Variants in ABCC4 observed in about 807,000 individuals in gnomAD.
ABCC4 encodes ATP binding cassette subfamily C member 4 (PEL blood group).
A neutral mutation model predicts 168.5 loss-of-function variants in ABCC4; 102 were observed. The ratio of observed to expected loss-of-function variants is 0.61; its 90% CI spans 0.52 to 0.71. The LOEUF (loss-of-function observed/expected upper bound fraction) is 0.71, where lower values mean the gene tolerates loss of function less well. Ranked by LOEUF, ABCC4 falls within the 30% of genes least tolerant of loss-of-function variation. The pLI, the probability that ABCC4 is intolerant of heterozygous loss-of-function variation, is 0.00. For synonymous variants in ABCC4, 617 were observed against 590.7 expected (o/e 1.04, Z -0.65); for missense variants, 1,402 against 1,605.8 (o/e 0.87, Z 2.17).
At chr13:95,253,969 T>C (rs1353900216) in intron 1 of ABCC4, among the ~76,000 whole-genome samples, 1 of 152,114 alleles carries the variant, frequency 6.6e-6, no homozygotes, top group African/African-American at 2.4e-5. Flanking sequence ...CATACCTCAC[T>C]ACAGCCTCAA....
intron 1 of ABCC4, among the ~76,000 whole-genome samples, chr13:95,267,862 A>C (rs1301241210): frequency 6.6e-6 from 1 of 152,110 alleles, no homozygotes; most frequent in Non-Finnish European, 1.5e-5. Flanking sequence ...CTATTGCCCA[A>C]CCTCCAGGGC....
At chr13:95,163,266 T>C (rs2037157998) in intron 17 of ABCC4, 50 bp from the exon 18 acceptor site, 4 of 1,268,606 alleles carry the variant, frequency 3.2e-6, no homozygotes, top group Non-Finnish European at 3.4e-6. Context: ...GAAATTTAGA[T>C]AAATACATTT....
rs554704376 is a variant in ABCC4, at chr13:95,220,621, A to G, written c.532-9840T>C. Among the ~76,000 whole-genome samples the G allele has an allele frequency of 3.3e-5, 5 of 152,360 alleles. No individual in the cohort carries two copies. In the East Asian group the frequency reaches 9.6e-4, roughly 29 times the overall value. Reference sequence around the variant, plus strand: ...TTTTACAACCAAACATACCAAATGCAGTAATGCCTTCATCTCTTTCACTGA... The same window carrying G: ...TTTTACAACCAAACATACCAAATGCGGTAATGCCTTCATCTCTTTCACTGA... On this transcript the variant is annotated intron_variant, in intron 4 of 30. Transcript: ENST00000645237.
chr13:95,163,502 G>A (rs1660237037), intron 17 of ABCC4, 108 bp downstream of exon 17: 1 of 1,019,782 alleles, frequency 9.8e-7, no homozygotes, highest in East Asian at 2.6e-5. Context: ...TAAACGAAGT[G>A]AGGATTAGAA....
intron 1 of ABCC4, among the ~76,000 whole-genome samples, chr13:95,261,278 G>A (rs796681502): frequency 2.0e-5 from 3 of 151,894 alleles, no homozygotes; most frequent in African/African-American, 7.2e-5. Context: ...GCGAAACCCC[G>A]TCTCTACTAA....
chr13:95,051,911 C>T (rs981670924), intron 27 of ABCC4, among the ~76,000 whole-genome samples: 40 of 152,170 alleles, frequency 2.6e-4, no homozygotes, highest in African/African-American at 8.9e-4. Context: ...GTGATCCATC[C>T]GCCTCAGCCT....
At chr13:95,163,897 G>A (rs930422275) in intron 16 of ABCC4, among the ~76,000 whole-genome samples, 1 of 151,892 alleles carries the variant, frequency 6.6e-6, no homozygotes, top group African/African-American at 2.4e-5. Context: ...AGCCTAGCTG[G>A]GCATGGTGGC....
intron 25 of ABCC4, 50 bp from the exon 26 acceptor site, chr13:95,062,909 C>T: frequency 1.9e-6 from 3 of 1,538,908 alleles, no homozygotes; most frequent in Non-Finnish European, 2.6e-6. Flanking sequence ...AAAAAAATCA[C>T]AGGATGCAGC....
At chr13:95,125,129 T>C (rs1190495528) in intron 19 of ABCC4, among the ~76,000 whole-genome samples, 2 of 152,078 alleles carry the variant, frequency 1.3e-5, no homozygotes, top group African/African-American at 2.4e-5. Context: ...AGAAATTAAT[T>C]CCAGGATGCC....
chr13:95,142,283 C>T (rs910333915), intron 19 of ABCC4, among the ~76,000 whole-genome samples: 2 of 152,214 alleles, frequency 1.3e-5, no homozygotes, highest in Middle Eastern at 3.4e-3. Flanking sequence ...TTTGCAGTGA[C>T]CTGGATGAGA....
chr13:95,234,463 T>C (rs2039707396), intron 4 of ABCC4, 147 bp downstream of exon 4: 1 of 606,786 alleles, frequency 1.6e-6, no homozygotes, highest in Non-Finnish European at 2.8e-6. Context: ...TTTTCTTCGT[T>C]TTTCTTTTTT....
At chr13:95,161,874 T>C (rs530395126) in intron 18 of ABCC4, 1 of 152,340 alleles carries the variant, frequency 6.6e-6, no homozygotes, top group South Asian at 2.1e-4. Context: ...ACACAAATTA[T>C]ATTTTAACAT....
chr13:95,258,376 G>A (rs184913253), intron 1 of ABCC4, among the ~76,000 whole-genome samples: 24 of 152,174 alleles, frequency 1.6e-4, no homozygotes, highest in East Asian at 7.7e-4. Context: ...GTCCCCTTGC[G>A]TGCGAGCAAA....
chr13:95,136,193 C>CG (rs1372913142), intron 19 of ABCC4, among the ~76,000 whole-genome samples: 7 of 151,786 alleles, frequency 4.6e-5, no homozygotes, highest in Admixed American at 3.9e-4. Context: ...TGTTTTGAGA[C>CG]GGGGGTTTTC....
intron 20 of ABCC4, among the ~76,000 whole-genome samples, chr13:95,090,672 T>A (rs1267490303): frequency 6.6e-6 from 1 of 151,876 alleles, no homozygotes; most frequent in Non-Finnish European, 1.5e-5. Context: ...CCTACCCAAA[T>A]GAGAAAAGGA....
At chr13:95,170,776 A>G (rs935155541) in intron 13 of ABCC4, 148 bp from the exon 14 acceptor site, 1 of 507,822 alleles carries the variant, frequency 2.0e-6, no homozygotes, top group African/African-American at 1.9e-5. Context: ...ATAAGCCAAT[A>G]AAGCCGGCTA....
At chr13:95,046,777 G>T (rs978394689) in intron 27 of ABCC4, among the ~76,000 whole-genome samples, 4 of 151,474 alleles carry the variant, frequency 2.6e-5, no homozygotes, top group Non-Finnish European at 5.9e-5. Context: ...AAAAAAAAAA[G>T]ATATGAATGT....
At chr13:95,181,071 A>G (rs2037873085) in intron 11 of ABCC4, among the ~76,000 whole-genome samples, 1 of 152,256 alleles carries the variant, frequency 6.6e-6, no homozygotes, top group Admixed American at 6.5e-5. Context: ...TCCCAATGGG[A>G]GGAAGGTATC....
chr13:95,141,658 A>G (rs2036323233), intron 19 of ABCC4, among the ~76,000 whole-genome samples: 1 of 152,230 alleles, frequency 6.6e-6, no homozygotes, highest in African/African-American at 2.4e-5. Context: ...TAAAAATACC[A>G]TAGTTATTCT....
Sources: allele counts gnomAD v4.1 joint callset (sites outside exome capture counted in the v4.1 genomes callset), GRCh38; gene constraint gnomAD v4.1.1; transcripts MANE v1.5; gene names NCBI Gene and HGNC (gene_info 2026-07-23, HGNC 2026-07-21).